Variants in LRBA observed in about 807,000 individuals in gnomAD.
The protein encoded by LRBA is lipopolysaccharide-responsive and beige-like anchor protein.
LRBA carries 176 observed loss-of-function variants against 330.0 expected under a neutral mutation model. The observed-to-expected ratio is 0.53, with a 90% CI of 0.47 to 0.60. The LOEUF (loss-of-function observed/expected upper bound fraction) is 0.60, where lower values mean the gene tolerates loss of function less well. Ranked by LOEUF, LRBA falls within the 20% of genes least tolerant of loss-of-function variation. The pLI is 0.00. For synonymous variants in LRBA, 1,230 were observed against 1,193.0 expected, an observed-to-expected ratio of 1.03 and a Z score of -0.64; for missense variants, 3,259 against 3,444.8, an observed-to-expected ratio of 0.95 and a Z score of 1.35.
At chr4:150,283,968 T>G (rs896061734) in intron 54 of LRBA, among the ~76,000 whole-genome samples, 37 of 152,334 alleles carry the variant, frequency 2.4e-4, no homozygotes, top group African/African-American at 8.2e-4. Flanking sequence ...TAAAGCCATG[T>G]AACATTTCAC....
At chr4:150,273,974 A>T (rs1489329447) in intron 56 of LRBA, among the ~76,000 whole-genome samples, 2 of 152,206 alleles carry the variant, frequency 1.3e-5, no homozygotes, top group African/African-American at 4.8e-5. Flanking sequence ...AGACATCTAC[A>T]GAAATCTCCA....
intron 37 of LRBA, among the ~76,000 whole-genome samples, chr4:150,659,141 C>A (rs1246866299): frequency 7.3e-6 from 1 of 137,702 alleles, no homozygotes; most frequent in African/African-American, 2.6e-5. Flanking sequence ...GCCGCCACCC[C>A]GTCTGGGAAG....
intron 29 of LRBA, 70 bp from the exon 30 acceptor site, chr4:150,828,691 C>T: frequency 2.3e-6 from 3 of 1,295,206 alleles, no homozygotes; most frequent in Non-Finnish European, 3.2e-6. Context: ...AAGGTATATT[C>T]TGTTTTAATA....
intron 47 of LRBA, among the ~76,000 whole-genome samples, chr4:150,353,676 TCATGCTGCAAACACA>T (rs1456353825): frequency 6.6e-6 from 1 of 152,192 alleles, no homozygotes; most frequent in African/African-American, 2.4e-5. Context: ...TGTGCTCATA[TCATGCTGCAAACACA>T]CATGCAGAGA....
intron 2 of LRBA, among the ~76,000 whole-genome samples, chr4:150,983,286 T>C (rs959691770): frequency 1.3e-5 from 2 of 151,604 alleles, no homozygotes; most frequent in Non-Finnish European, 2.9e-5. Flanking sequence ...GCAAAAACCA[T>C]CTCTACAAAA....
chr4:150,540,462 TGGGTATACA>T (rs1765198718), intron 40 of LRBA, among the ~76,000 whole-genome samples: 1 of 152,164 alleles, frequency 6.6e-6, no homozygotes, highest in African/African-American at 2.4e-5. Context: ...CTCAAAGTGC[TGGGTATACA>T]GGCATGAGCC....
chr4:150,806,428 T>C (rs1328796701), intron 32 of LRBA, 24 bp from the exon 33 acceptor site: 1 of 1,548,828 alleles, frequency 6.5e-7, no homozygotes, highest in Non-Finnish European at 8.7e-7. Flanking sequence ...ATTAAGTTAC[T>C]TGAACTATTC....
chr4:150,519,147 A>T (rs1762659032), intron 40 of LRBA, among the ~76,000 whole-genome samples: 1 of 152,198 alleles, frequency 6.6e-6, no homozygotes, highest in African/African-American at 2.4e-5. Context: ...AAAGCCTTGC[A>T]CATTTAAGAA....
At chr4:150,478,743 T>C (rs954724031) in intron 42 of LRBA, among the ~76,000 whole-genome samples, 4 of 152,222 alleles carry the variant, frequency 2.6e-5, no homozygotes, top group Non-Finnish European at 5.9e-5. Context: ...GCTGGTTATA[T>C]TTCTTCAAAT....
intron 44 of LRBA, among the ~76,000 whole-genome samples, chr4:150,466,636 A>G (rs190574764): frequency 6.6e-6 from 1 of 152,222 alleles, no homozygotes; most frequent in Admixed American, 6.6e-5. Flanking sequence ...AGAAGCAACA[A>G]AAAGTCTCCA....
At chr4:150,348,507 T>C (rs2127047962) in intron 48 of LRBA, among the ~76,000 whole-genome samples, 1 of 152,270 alleles carries the variant, frequency 6.6e-6, no homozygotes, top group East Asian at 1.9e-4. Context: ...ACACAAAAAA[T>C]ATATACTGGC....
chr4:150,916,270 C>T (rs1027553747), intron 7 of LRBA, 131 bp downstream of exon 7: 14 of 834,888 alleles, frequency 1.7e-5, no homozygotes, highest in South Asian at 8.0e-5. Context: ...CAGTGATTTA[C>T]GCTTCATCTT....
intron 47 of LRBA, among the ~76,000 whole-genome samples, chr4:150,412,513 A>C (rs953791867): frequency 1.3e-5 from 2 of 152,110 alleles, no homozygotes; most frequent in African/African-American, 2.4e-5. Flanking sequence ...CAGTGAGGGT[A>C]GAGATGGGAG....
At chr4:150,793,481 G>A (rs1249637455) in intron 34 of LRBA, among the ~76,000 whole-genome samples, 1 of 152,104 alleles carries the variant, frequency 6.6e-6, no homozygotes, top group Non-Finnish European at 1.5e-5. Context: ...TAATGAAAAA[G>A]ACCAAAAGAC....
intron 37 of LRBA, among the ~76,000 whole-genome samples, chr4:150,601,436 C>A (rs1368034583): frequency 1.3e-5 from 2 of 151,534 alleles, no homozygotes; most frequent in Non-Finnish European, 1.5e-5. Flanking sequence ...TAAAATTATT[C>A]ACAAATTATC....
At chr4:150,690,488 C>A (rs1264555727) in intron 36 of LRBA, among the ~76,000 whole-genome samples, 3 of 128,642 alleles carry the variant, frequency 2.3e-5, no homozygotes, top group African/African-American at 2.9e-5. Flanking sequence ...GGCAATAGAG[C>A]AAGACTCCAT....
chr4:150,943,566 C>T (rs1735906506), intron 2 of LRBA, among the ~76,000 whole-genome samples: 1 of 152,112 alleles, frequency 6.6e-6, no homozygotes, highest in African/African-American at 2.4e-5. Context: ...GAATAAATAT[C>T]ACAGAATTAA....
chr4:150,350,765 G>C (rs1458609227), intron 47 of LRBA, among the ~76,000 whole-genome samples: 2 of 152,102 alleles, frequency 1.3e-5, no homozygotes, highest in Admixed American at 1.3e-4. Flanking sequence ...GTAACTCAGG[G>C]CCTGACAGGT....
At position 150,828,361 on chromosome 4, in the gene LRBA, T is replaced by G; in HGVS notation, c.4990A>C (p.Thr1664Pro). The change falls in exon 30 of 57, where the codon ACT becomes CCT. Residue 1664 changes from threonine to proline, a missense_variant. By Grantham distance (38) the Thr-to-Pro change is conservative (BLOSUM62 -1). Coordinates refer to ENST00000651943, the MANE Select transcript of LRBA (RefSeq NM_001364905.1). ...TKNDRGNDLD[T>P]KATPSVSVSK... ...ACTGAAACTGACGGTGTAGCCTTAG[T>G]GTCCAAGTCATTTCCTCTATCATTT... is the stretch of plus-strand genomic sequence containing the variant. 1 of 1,614,152 alleles carries G rather than the reference T, an allele frequency of 6.2e-7. No homozygotes were observed. Among genetic ancestry groups the G allele is most frequent in the East Asian group, 2.2e-5 (1 of 44,882 alleles).
Sources: gnomAD v4.1 joint callset for allele counts (sites outside exome capture counted in the v4.1 genomes callset) on GRCh38, gnomAD v4.1.1 for gene constraint, MANE v1.5 for transcripts, NCBI Gene and HGNC (gene_info 2026-07-23, HGNC 2026-07-21) for gene names.